Variants in WAC observed in about 807,000 individuals in gnomAD.
WAC encodes the protein WW domain-containing adapter protein with coiled-coil.
A neutral mutation model predicts 79.6 loss-of-function variants in WAC; 11 were observed. That is an observed-to-expected ratio of 0.14 (90% CI 0.09 to 0.23). The LOEUF (loss-of-function observed/expected upper bound fraction) is 0.23, where lower values mean the gene tolerates loss of function less well. Ranked by LOEUF, WAC falls within the 10% of genes least tolerant of loss-of-function variation. The probability of loss-of-function intolerance (pLI) is 1.00; values close to 1 mark genes in which losing one functional copy is unlikely to be tolerated. For synonymous variants in WAC, 304 were observed against 276.9 expected (o/e 1.10, Z -0.97); for missense variants, 728 against 773.5 (o/e 0.94, Z 0.70).
intron 2 of WAC, 153 bp downstream of exon 2, chr10:28,534,187 G>A (rs1836479481): frequency 2.8e-6 from 2 of 721,588 alleles, no homozygotes; most frequent in African/African-American, 1.9e-5. Flanking sequence ...TTCCAGGTTT[G>A]GTTCCTTTAG....
chr10:28,544,926 G>A (rs942250529), intron 3 of WAC, among the ~76,000 whole-genome samples: 5 of 151,720 alleles, frequency 3.3e-5, no homozygotes, highest in Admixed American at 6.6e-5. Flanking sequence ...TAGCTGGGGC[G>A]TGGTGGTGCA....
intron 3 of WAC, among the ~76,000 whole-genome samples, chr10:28,576,454 T>C (rs540912166): frequency 3.3e-5 from 5 of 152,328 alleles, no homozygotes; most frequent in African/African-American, 9.6e-5. Flanking sequence ...AGATGTATTA[T>C]ATATATAGCA....
At chr10:28,594,641 C>T (rs1485182634) in intron 6 of WAC, among the ~76,000 whole-genome samples, 1 of 152,106 alleles carries the variant, frequency 6.6e-6, no homozygotes, top group African/African-American at 2.4e-5. Context: ...TTGAAACTGA[C>T]TTCTAGTTTG....
At chr10:28,547,231 T>C (rs1042908200) in intron 3 of WAC, among the ~76,000 whole-genome samples, 1 of 152,180 alleles carries the variant, frequency 6.6e-6, no homozygotes, top group Non-Finnish European at 1.5e-5. Context: ...TACATATGTT[T>C]GCTTAAAGAT....
rs562759136 is a variant in WAC, at chr10:28,588,535, A to C, written c.382-1201A>C. Among the ~76,000 whole-genome samples, 46 of 152,200 alleles carry C rather than the reference A, an allele frequency of 3.0e-4. 1 individual carries two copies. The highest frequency in any genetic ancestry group is 1.3e-4 in the Admixed American group (2 of 15,274). ...AAACCACTAATTAGTTTTGTGACCT[A>C]TAGACAACTCATAAGTTCTCTCAGC... On this transcript the variant is annotated intron_variant, in intron 4 of 13. Transcript: ENST00000354911.
At position 28,579,248 on chromosome 10, in the gene WAC, G is replaced by A. The variant is rs998770671; in HGVS notation, c.275-4151G>A. Among the ~76,000 whole-genome samples, 18 of 150,404 alleles carry A rather than the reference G, an allele frequency of 1.2e-4. No homozygotes were observed. The Admixed American group carries it at 1.2e-3, about 10-fold the overall frequency. The stretch of plus-strand genomic sequence containing the variant: ...ACACAGTGCATAAAGGTACTTGACT[G>A]TATAAATGGCATTGCCTCCGTTGCT... On this transcript the variant is annotated intron_variant, in intron 3 of 13. Coordinates refer to ENST00000354911, the MANE Select transcript of WAC (RefSeq NM_016628.5).
At chr10:28,575,993 T>TA (rs746227742) in intron 3 of WAC, among the ~76,000 whole-genome samples, 2 of 152,214 alleles carry the variant, frequency 1.3e-5, no homozygotes, top group African/African-American at 2.4e-5. Context: ...TCAGTACAGT[T>TA]ACAGGCTGTA....
At chr10:28,592,270 A>T (rs1004644434) in intron 6 of WAC, among the ~76,000 whole-genome samples, 2 of 152,194 alleles carry the variant, frequency 1.3e-5, no homozygotes, top group East Asian at 3.8e-4. Flanking sequence ...AGACATAAAC[A>T]AGTTGCACCC....
At chr10:28,577,474 T>C (rs887840775) in intron 3 of WAC, among the ~76,000 whole-genome samples, 40 of 152,330 alleles carry the variant, frequency 2.6e-4, no homozygotes, top group African/African-American at 9.1e-4. Flanking sequence ...CTTTTTAATA[T>C]GCAGTTTTGC....
At chr10:28,603,961 G>GTATGTATGTA (rs1554789573) in intron 7 of WAC, among the ~76,000 whole-genome samples, 1 of 20,906 alleles carries the variant, frequency 4.8e-5, no homozygotes, top group African/African-American at 4.2e-4. Flanking sequence ...ATGTATGTAT[G>GTATGTATGTA]TATATATATA....
chr10:28,595,368 G>T (rs1840304874), intron 6 of WAC, among the ~76,000 whole-genome samples: 1 of 151,692 alleles, frequency 6.6e-6, no homozygotes, highest in Non-Finnish European at 1.5e-5. Flanking sequence ...TACTTTTTCT[G>T]CCTTTAAAAC....
chr10:28,579,061 G>T (rs1465966482), intron 3 of WAC, among the ~76,000 whole-genome samples: 1 of 151,972 alleles, frequency 6.6e-6, no homozygotes, highest in Non-Finnish European at 1.5e-5. Flanking sequence ...ACTCCTTTAA[G>T]ACTTAACTTT....
chr10:28,536,488 T>G (rs1334281936), intron 3 of WAC, among the ~76,000 whole-genome samples: 1 of 152,246 alleles, frequency 6.6e-6, no homozygotes, highest in African/African-American at 2.4e-5. Context: ...CTCATTATGT[T>G]TTTTCAGGAT....
At chr10:28,540,291 A>G (rs1220006139) in intron 3 of WAC, among the ~76,000 whole-genome samples, 3 of 152,226 alleles carry the variant, frequency 2.0e-5, no homozygotes, top group African/African-American at 7.2e-5. Flanking sequence ...TCTAGAAACT[A>G]GTTCTCTAAC....
At chr10:28,547,252 T>G (rs1837401307) in intron 3 of WAC, among the ~76,000 whole-genome samples, 1 of 152,178 alleles carries the variant, frequency 6.6e-6, no homozygotes, top group Non-Finnish European at 1.5e-5. Flanking sequence ...TTCGGACTTT[T>G]GGCCAGGTGC....
chr10:28,610,708 C>G lies in WAC; in HGVS notation c.1175C>G (p.Ala392Gly), dbSNP rs1419820119. ...DISKINEVLT[A>G]AVTQASLQSI... ...AATAATATGTTTTTAGTTCTTACAG[C>G]AGCTGTGACACAAGCCTCACTGCAG... Residue 392 changes from alanine to glycine, a missense_variant, in exon 9 of 14, where the codon GCA (alanine) becomes GGA (glycine). Coordinates refer to ENST00000354911, the MANE Select transcript of WAC (RefSeq NM_016628.5). 1 of 1,607,660 alleles carries G rather than the reference C, an allele frequency of 6.2e-7. No homozygotes were observed. The highest frequency in any genetic ancestry group is 1.3e-5 in the African/African-American group (1 of 74,606).
At chr10:28,569,523 T>C (rs1838832334) in intron 3 of WAC, among the ~76,000 whole-genome samples, 1 of 152,264 alleles carries the variant, frequency 6.6e-6, no homozygotes, top group Admixed American at 6.5e-5. Flanking sequence ...TCTCTTATTC[T>C]ATTGTTTGTC....
At chr10:28,607,142 G>A (rs907387337) in intron 7 of WAC, among the ~76,000 whole-genome samples, 2 of 152,048 alleles carry the variant, frequency 1.3e-5, no homozygotes, top group Admixed American at 6.6e-5. Context: ...TCTTTAAATA[G>A]TCTGATTACC....
At chr10:28,604,198 C>T (rs528649167) in intron 7 of WAC, among the ~76,000 whole-genome samples, 2 of 149,396 alleles carry the variant, frequency 1.3e-5, no homozygotes, top group South Asian at 2.1e-4. Context: ...ACTGTTACGT[C>T]GATGGAAGTG....
Sources: allele counts gnomAD v4.1 joint callset (sites outside exome capture counted in the v4.1 genomes callset), GRCh38; gene constraint gnomAD v4.1.1; transcripts MANE v1.5; gene names NCBI Gene and HGNC (gene_info 2026-07-23, HGNC 2026-07-21).